WT1: variants seen among roughly 807,000 people sequenced by gnomAD.
WT1 encodes the protein Wilms tumor protein.
In WT1, 8 loss-of-function variants were observed where a neutral mutation model predicts 60.8. That is an observed-to-expected ratio of 0.13 (90% CI 0.08 to 0.24). WT1 has a LOEUF of 0.24. Among genes scored for constraint, WT1 ranks in the 10% least tolerant of loss-of-function variants. The pLI is 1.00. For synonymous variants in WT1, 312 were observed against 297.1 expected, an observed-to-expected ratio of 1.05 and a Z score of -0.52; for missense variants, 568 against 711.8, an observed-to-expected ratio of 0.80 and a Z score of 2.30.
At chr11:32,406,637 A>T (rs940243653) in intron 5 of WT1, among the ~76,000 whole-genome samples, 13 of 151,960 alleles carry the variant, frequency 8.6e-5, no homozygotes, top group African/African-American at 3.1e-4. Flanking sequence ...AAAAATATAT[A>T]TATTTATTTC....
intron 5 of WT1, among the ~76,000 whole-genome samples, chr11:32,403,213 C>T (rs1287356723): frequency 1.3e-5 from 2 of 152,060 alleles, no homozygotes; most frequent in Admixed American, 6.5e-5. Context: ...AGGACAAACA[C>T]ACCAATGCAA....
intron 3 of WT1, among the ~76,000 whole-genome samples, chr11:32,427,147 GC>G (rs1189069046): frequency 6.6e-6 from 1 of 152,204 alleles, no homozygotes; most frequent in East Asian, 1.9e-4. Context: ...CTGCTCCCCG[GC>G]CCCCGCCCCA....
chr11:32,401,916 T>C (rs1343607665), intron 5 of WT1, among the ~76,000 whole-genome samples: 1 of 152,150 alleles, frequency 6.6e-6, no homozygotes, highest in Non-Finnish European at 1.5e-5. Context: ...CTGCCTCCAT[T>C]ACTCTAACAG....
chr11:32,393,317 A>G (rs1369204241), intron 7 of WT1, among the ~76,000 whole-genome samples: 1 of 152,176 alleles, frequency 6.6e-6, no homozygotes, highest in Non-Finnish European at 1.5e-5. Flanking sequence ...AACACACCAA[A>G]AGCACTGAGA....
At chr11:32,429,520 T>C (rs76857714) in intron 1 of WT1, among the ~76,000 whole-genome samples, 2 of 144,578 alleles carry the variant, frequency 1.4e-5, no homozygotes, top group East Asian at 4.5e-4. Flanking sequence ...AAACATAGTC[T>C]TTTATAATTT....
At chr11:32,391,887 C>A (rs1052297606) in intron 9 of WT1, 85 bp downstream of exon 9, 1 of 1,423,990 alleles carries the variant, frequency 7.0e-7, no homozygotes, top group African/African-American at 1.4e-5. Flanking sequence ...TTACACTAGT[C>A]TTTTCCAATC....
At position 32,435,166 on chromosome 11, in the gene WT1, C is replaced by T. The variant is rs1439699290; in HGVS notation, c.195G>A (p.Gly65=). The change falls in exon 1 of 10, where the codon GGG becomes GGA. Residue 65 remains glycine (G), a synonymous_variant. Coordinates refer to ENST00000452863, the MANE Select transcript of WT1 (RefSeq NM_024426.6). ...TTTGCTGCGGCTCAGACCCGGACGC[C>T]CCGCGGCTCCTCCGGCCCTGGAGAC... is the stretch of plus-strand genomic sequence containing the variant. 8.5e-6 allele frequency: 13 copies of T among 1,521,388 alleles called. No individual in the cohort carries two copies. In the Admixed American group the frequency reaches 1.6e-4, roughly 19 times the overall value. 94.2% of individuals were successfully genotyped at this position (1,521,388 alleles called of 1,614,324 possible). A position where few individuals can be genotyped will look rare whatever the true frequency, so the allele number is the denominator to read the frequency against.
At chr11:32,429,463 C>T (rs1285180119) in intron 1 of WT1, among the ~76,000 whole-genome samples, 4 of 14,300 alleles carry the variant, frequency 2.8e-4, no homozygotes, top group African/African-American at 1.0e-3. Flanking sequence ...TCCTAGCATT[C>T]CCCCCCCCCC....
At chr11:32,427,927 C>T (rs777343048) in intron 3 of WT1, 29 bp downstream of exon 3, 24 of 1,591,204 alleles carry the variant, frequency 1.5e-5, no homozygotes, top group Middle Eastern at 2.2e-4. Flanking sequence ...GTCCCAAGGA[C>T]CCAGACGCAG....
At chr11:32,416,583 A>T (rs1228615030) in intron 4 of WT1, 43 bp from the exon 5 acceptor site, 1 of 1,612,692 alleles carries the variant, frequency 6.2e-7, no homozygotes, top group Middle Eastern at 1.6e-4. Context: ...TGGAGCATGC[A>T]TGGATCTGGC....
At chr11:32,399,923 C>T (rs1386803418) in intron 6 of WT1, 25 bp downstream of exon 6, 7 of 1,612,200 alleles carry the variant, frequency 4.3e-6, no homozygotes, top group East Asian at 2.2e-5. Context: ...GCCCCCTTCC[C>T]GCTGGGGCCT....
chr11:32,416,620 G>A, intron 4 of WT1, 80 bp from the exon 5 acceptor site: 1 of 1,546,854 alleles, frequency 6.5e-7, no homozygotes, highest in Non-Finnish European at 8.9e-7. Flanking sequence ...AGAATCCAGT[G>A]AAAAGCCCCT....
At chr11:32,389,895 A>G (rs1190732412) in intron 9 of WT1, among the ~76,000 whole-genome samples, 1 of 152,216 alleles carries the variant, frequency 6.6e-6, no homozygotes, top group African/African-American at 2.4e-5. Flanking sequence ...CATTCTCATT[A>G]GGGAGAATAA....
intron 5 of WT1, among the ~76,000 whole-genome samples, chr11:32,411,769 A>G (rs2133011455): frequency 6.6e-6 from 1 of 152,316 alleles, no homozygotes; most frequent in South Asian, 2.1e-4. Flanking sequence ...AGTGAGAGGG[A>G]CACAGAGCTA....
At chr11:32,427,527 GAAGGCTGTGGCC>G (rs1435483405) in intron 3 of WT1, among the ~76,000 whole-genome samples, 1 of 152,332 alleles carries the variant, frequency 6.6e-6, no homozygotes, top group African/African-American at 2.4e-5. Flanking sequence ...GAGGTGGGGA[GAAGGCTGTGGCC>G]AAGGCTGTGG....
chr11:32,388,892 A>G lies in WT1; in HGVS notation c.*166T>C. On this transcript the variant is annotated 3_prime_UTR_variant, in exon 10 of 10. Transcript: ENST00000452863. Reference sequence around the variant, plus strand: ...AGGCAGGGCAGAGACCAACTCTTCCAGGCACACCTGGTAGTTTCCAGAAGC... The same window carrying G: ...AGGCAGGGCAGAGACCAACTCTTCCGGGCACACCTGGTAGTTTCCAGAAGC... 7.8e-7 allele frequency: 1 copy of G among 1,282,390 alleles called. No individual in the cohort carries two copies. 79.4% of individuals were successfully genotyped at this position (1,282,390 alleles called of 1,614,324 possible). A position where few individuals can be genotyped will look rare whatever the true frequency, so the allele number is the denominator to read the frequency against.
intron 5 of WT1, among the ~76,000 whole-genome samples, chr11:32,412,582 A>G (rs1852535718): frequency 6.6e-6 from 1 of 151,982 alleles, no homozygotes; most frequent in Non-Finnish European, 1.5e-5. Context: ...ATCAGCAGCC[A>G]TTGAGAACAC....
At chr11:32,423,060 C>T (rs1852906752) in intron 3 of WT1, among the ~76,000 whole-genome samples, 3 of 152,156 alleles carry the variant, frequency 2.0e-5, no homozygotes, top group Non-Finnish European at 4.4e-5. Context: ...GGCAAAGGGA[C>T]TCTGGGAAGG....
At chr11:32,430,921 G>C (rs1853285572) in intron 1 of WT1, 2 of 1,041,756 alleles carry the variant, frequency 1.9e-6, no homozygotes, top group Non-Finnish European at 2.4e-6. Flanking sequence ...CGGAGAGTGC[G>C]GGGGCAGGGG....
Sources: gnomAD v4.1 joint callset for allele counts (sites outside exome capture counted in the v4.1 genomes callset) on GRCh38, gnomAD v4.1.1 for gene constraint, MANE v1.5 for transcripts, NCBI Gene and HGNC (gene_info 2026-07-23, HGNC 2026-07-21) for gene names.